Variants in SHISA9 observed in about 807,000 individuals in gnomAD.
SHISA9 encodes the protein shisa family member 9, also known as protein shisa-9.
SHISA9 carries 13 observed loss-of-function variants against 38.0 expected under a neutral mutation model. The ratio of observed to expected loss-of-function variants is 0.34; its 90% CI spans 0.22 to 0.54. The LOEUF (loss-of-function observed/expected upper bound fraction) is 0.54, where lower values mean the gene tolerates loss of function less well. Ranked by LOEUF, SHISA9 falls within the 20% of genes least tolerant of loss-of-function variation. The pLI is 0.91. For synonymous variants in SHISA9, 275 were observed against 242.0 expected (o/e 1.14, Z -1.27); for missense variants, 538 against 575.8 (o/e 0.93, Z 0.67).
At chr16:13,279,921 A>G in the SHISA9 span, among the ~76,000 whole-genome samples, 1 of 151,912 alleles carries the variant, frequency 6.6e-6, no homozygotes, top group African/African-American at 2.4e-5. Context: ...TTCAATACAT[A>G]CAAAGTATCT....
intron 2 of SHISA9, among the ~76,000 whole-genome samples, chr16:13,101,740 A>G (rs1467200628): frequency 6.6e-6 from 1 of 152,204 alleles, no homozygotes; most frequent in African/African-American, 2.4e-5. Context: ...TTCTATTCCT[A>G]CCAACAGTGG....
chr16:13,439,756 C>A, the SHISA9 span, among the ~76,000 whole-genome samples: 1 of 152,166 alleles, frequency 6.6e-6, no homozygotes, highest in Non-Finnish European at 1.5e-5. Context: ...TTAAATGTCT[C>A]CGCTGCTGCC....
intron 2 of SHISA9, among the ~76,000 whole-genome samples, chr16:13,101,182 C>G (rs886581216): frequency 6.6e-6 from 1 of 152,136 alleles, no homozygotes; most frequent in Non-Finnish European, 1.5e-5. Context: ...CTCTGGAGAT[C>G]TAATGTACAG....
intron 2 of SHISA9, among the ~76,000 whole-genome samples, chr16:12,942,955 C>T (rs2071630998): frequency 6.6e-6 from 1 of 152,074 alleles, no homozygotes; most frequent in Non-Finnish European, 1.5e-5. Context: ...TTTTGTGTGC[C>T]TCTCTTGGCT....
chr16:13,116,049 A>T lies in SHISA9; in HGVS notation c.692-87345A>T, dbSNP rs192960556. On this transcript the variant is annotated intron_variant, in intron 2 of 4. Coordinates refer to ENST00000558583, the MANE Select transcript of SHISA9 (RefSeq NM_001145204.3). ...TTCATTCTGCCTTATGATTGCGATTATATCTGTAGTGTTATCCATGGATTG... is the reference window on the plus strand; with the variant it reads ...TTCATTCTGCCTTATGATTGCGATTTTATCTGTAGTGTTATCCATGGATTG... Among the ~76,000 whole-genome samples, 10 of 152,280 alleles carry T rather than the reference A, an allele frequency of 6.6e-5. No homozygotes were observed. In the East Asian group the frequency reaches 1.4e-3, roughly 21 times the overall value.
At chr16:12,940,711 G>A (rs577897723) in intron 2 of SHISA9, among the ~76,000 whole-genome samples, 123 of 152,218 alleles carry the variant, frequency 8.1e-4, no homozygotes, top group Middle Eastern at 6.8e-3. Flanking sequence ...GTGTCTTTGC[G>A]GCACTGAGCA....
chr16:12,914,290 C>T (rs564026219), intron 1 of SHISA9, among the ~76,000 whole-genome samples: 11 of 152,082 alleles, frequency 7.2e-5, no homozygotes, highest in Admixed American at 4.6e-4. Flanking sequence ...GTGATCTGCC[C>T]ACCTCGGCCT....
At chr16:13,512,532 A>G in the SHISA9 span, among the ~76,000 whole-genome samples, 1 of 152,202 alleles carries the variant, frequency 6.6e-6, no homozygotes, top group Non-Finnish European at 1.5e-5. Context: ...ACCAAAAAAA[A>G]GAGAGTCTGT....
intron 2 of SHISA9, among the ~76,000 whole-genome samples, chr16:12,970,442 C>CAT (rs1567357227): frequency 2.4e-5 from 1 of 41,100 alleles, no homozygotes; most frequent in Non-Finnish European, 4.5e-5. Context: ...TATATATACA[C>CAT]ACATATATAT....
At chr16:13,412,874 C>T in the SHISA9 span, among the ~76,000 whole-genome samples, 2 of 151,678 alleles carry the variant, frequency 1.3e-5, no homozygotes, top group South Asian at 4.2e-4. Context: ...AAAAAACAAA[C>T]AAATAAACAA....
chr16:13,441,429 T>A, the SHISA9 span, among the ~76,000 whole-genome samples: 1 of 151,994 alleles, frequency 6.6e-6, no homozygotes, highest in Admixed American at 6.6e-5. Flanking sequence ...GTGTTTGGAG[T>A]TCTAAGTGAA....
intron 2 of SHISA9, among the ~76,000 whole-genome samples, chr16:13,072,519 C>T (rs1039043124): frequency 6.6e-6 from 1 of 152,224 alleles, no homozygotes; most frequent in African/African-American, 2.4e-5. Flanking sequence ...ATCTGGGTCA[C>T]TGAGCAGAAT....
chr16:13,522,358 G>C, the SHISA9 span, among the ~76,000 whole-genome samples: 1 of 152,228 alleles, frequency 6.6e-6, no homozygotes, highest in Non-Finnish European at 1.5e-5. Context: ...ACTTTGAACA[G>C]TTTTCATCCT....
At chr16:13,191,398 A>AT (rs2050884048) in intron 2 of SHISA9, among the ~76,000 whole-genome samples, 1 of 152,194 alleles carries the variant, frequency 6.6e-6, no homozygotes, top group African/African-American at 2.4e-5. Context: ...TCTTTTCCTC[A>AT]TGGCCACCTG....
At chr16:13,402,350 C>T in the SHISA9 span, among the ~76,000 whole-genome samples, 1 of 152,028 alleles carries the variant, frequency 6.6e-6, no homozygotes, top group Non-Finnish European at 1.5e-5. Flanking sequence ...GGTGTAAGTC[C>T]AAGGGTACAA....
the SHISA9 span, among the ~76,000 whole-genome samples, chr16:13,346,150 T>A: frequency 6.6e-6 from 1 of 152,198 alleles, no homozygotes; most frequent in African/African-American, 2.4e-5. Context: ...GTGTCTATCA[T>A]TCCATGCTCC....
At chr16:13,194,124 T>A (rs1171809233) in intron 2 of SHISA9, among the ~76,000 whole-genome samples, 4 of 152,080 alleles carry the variant, frequency 2.6e-5, no homozygotes, top group African/African-American at 9.7e-5. Context: ...GAGTCAGACA[T>A]CCCATCCCAT....
chr16:12,991,328 T>C (rs1034200445), intron 2 of SHISA9, among the ~76,000 whole-genome samples: 3 of 152,188 alleles, frequency 2.0e-5, no homozygotes, highest in Admixed American at 6.5e-5. Context: ...TACTGAACAT[T>C]GTTTGGTAAG....
At chr16:13,526,666 A>G in the SHISA9 span, among the ~76,000 whole-genome samples, 2 of 152,262 alleles carry the variant, frequency 1.3e-5, no homozygotes, top group Admixed American at 1.3e-4. Context: ...GATTACAGGC[A>G]TGAACTACCA....
Sources: allele counts gnomAD v4.1 joint callset (sites outside exome capture counted in the v4.1 genomes callset), GRCh38; gene constraint gnomAD v4.1.1; transcripts MANE v1.5; gene names NCBI Gene and HGNC (gene_info 2026-07-23, HGNC 2026-07-21).